The following CSNK1G3 variants were observed in gnomAD, a reference collection of about 807,000 sequenced individuals.
CSNK1G3 encodes the protein casein kinase I isoform gamma-3.
In CSNK1G3, 23 loss-of-function variants were observed where a neutral mutation model predicts 64.3. That is an observed-to-expected ratio of 0.36 (90% CI 0.26 to 0.51). The LOEUF is 0.51. Ranked by LOEUF, CSNK1G3 falls within the 20% of genes least tolerant of loss-of-function variation. CSNK1G3 has a pLI of 0.96. For synonymous variants in CSNK1G3, 158 were observed against 162.2 expected (o/e 0.97, Z 0.20); for missense variants, 357 against 510.5 (o/e 0.70, Z 2.90).
At chr5:123,575,678 G>A (rs1216356728) in intron 5 of CSNK1G3, 51 bp from the exon 6 acceptor site, 4 of 1,093,646 alleles carry the variant, frequency 3.7e-6, no homozygotes, top group Non-Finnish European at 5.6e-6. Flanking sequence ...TACTTGCTTA[G>A]GCTAGTCAAA....
Position 123,551,379 on chromosome 5 carries a change from T to A in CSNK1G3, c.179-1728T>A, listed in dbSNP as rs186595493. Among the ~76,000 whole-genome samples, 954 of 152,082 alleles carry A rather than the reference T, an allele frequency of 6.3e-3. 15 individuals are homozygous for A. The highest frequency in any genetic ancestry group is 8.3e-3 in the Non-Finnish European group (564 of 68,018). On this transcript the variant is annotated intron_variant, in intron 2 of 12. Coordinates refer to ENST00000345990, the Ensembl canonical transcript of CSNK1G3. ...AAAATATGAAATATTCCGTAATTTT[T>A]AAAAATATGTATATAGGTTCAATGA... is the stretch of plus-strand genomic sequence containing the variant.
At chr5:123,599,872 A>G (rs1346015327) in intron 10 of CSNK1G3, among the ~76,000 whole-genome samples, 2 of 152,060 alleles carry the variant, frequency 1.3e-5, no homozygotes, top group Admixed American at 6.6e-5. Flanking sequence ...TTTTTTTACA[A>G]TAACATTTAC....
At chr5:123,552,290 C>T (rs188290012) in intron 2 of CSNK1G3, among the ~76,000 whole-genome samples, 30 of 152,010 alleles carry the variant, frequency 2.0e-4, no homozygotes, top group African/African-American at 6.0e-4. Context: ...GGATTACAGG[C>T]GTGCGCCACC....
intron 3 of CSNK1G3, among the ~76,000 whole-genome samples, 155 bp downstream of exon 3, chr5:123,553,302 C>T (rs1252416270): frequency 1.3e-5 from 2 of 152,156 alleles, no homozygotes; most frequent in Non-Finnish European, 2.9e-5. Context: ...AAGCTCCTAA[C>T]ATCATCCTGC....
intron 1 of CSNK1G3, among the ~76,000 whole-genome samples, chr5:123,529,001 A>G (rs928000488): frequency 6.6e-6 from 1 of 152,174 alleles, no homozygotes; most frequent in African/African-American, 2.4e-5. Flanking sequence ...TTTGCAAGCT[A>G]TTTATTAACT....
At chr5:123,595,181 A>C in intron 10 of CSNK1G3, 47 bp downstream of exon 11, 1 of 1,547,012 alleles carries the variant, frequency 6.5e-7, no homozygotes, top group South Asian at 1.1e-5. Flanking sequence ...GATTTATACA[A>C]CTAACCCTTT....
intron 9 of CSNK1G3, among the ~76,000 whole-genome samples, chr5:123,591,053 T>C (rs1294671476): frequency 1.3e-5 from 2 of 152,038 alleles, no homozygotes; most frequent in Non-Finnish European, 2.9e-5. Context: ...CTAAAAGTAA[T>C]GGCAGCATTA....
chr5:123,597,103 A>G (rs1268556217), intron 10 of CSNK1G3, among the ~76,000 whole-genome samples: 2 of 152,204 alleles, frequency 1.3e-5, no homozygotes, highest in East Asian at 3.9e-4. Flanking sequence ...CAGAAAGGGA[A>G]ACAATATGTT....
chr5:123,594,240 A>G (rs1390652573), intron 10 of CSNK1G3, among the ~76,000 whole-genome samples: 2 of 152,212 alleles, frequency 1.3e-5, no homozygotes, highest in Non-Finnish European at 2.9e-5. Flanking sequence ...TTCCTGAAAC[A>G]GAAGTTGTCC....
At chr5:123,590,540 C>A (rs766824116) in exon 9 of CSNK1G3, 1 of 1,514,274 alleles carries the variant, frequency 6.6e-7, no homozygotes, top group Non-Finnish European at 8.8e-7. Context: ...ATGAATATGA[C>A]TGGATTGGTA....
rs546922262 is a variant in CSNK1G3 at position 123,531,108 on chromosome 5, T to C, written c.-247-14309T>C. On this transcript the variant is annotated intron_variant, in intron 1 of 12. Transcript: ENST00000345990. The stretch of plus-strand genomic sequence containing the variant: ...TTTCATATACTAAATTTGGAGGTTT[T>C]CATTTGAGATAACGAAGCAGTGGGA... Among the ~76,000 whole-genome samples, 5 of 152,272 alleles carry C rather than the reference T, an allele frequency of 3.3e-5. No homozygotes were observed. The South Asian group carries it at 1.0e-3, about 32-fold the overall frequency.
At chr5:123,577,106 C>G (rs955478848) in intron 6 of CSNK1G3, among the ~76,000 whole-genome samples, 9 of 152,094 alleles carry the variant, frequency 5.9e-5, no homozygotes, top group African/African-American at 2.2e-4. Context: ...GCTGGCTTCT[C>G]TGTCCTTTTG....
chr5:123,523,110 A>G (rs1004921873), intron 1 of CSNK1G3, among the ~76,000 whole-genome samples: 1 of 151,032 alleles, frequency 6.6e-6, no homozygotes, highest in African/African-American at 2.5e-5. Flanking sequence ...ATCAGGATGG[A>G]AGGGACTTCA....
chr5:123,548,753 A>T (rs1466988527), intron 2 of CSNK1G3, among the ~76,000 whole-genome samples: 1 of 151,902 alleles, frequency 6.6e-6, no homozygotes, highest in African/African-American at 2.4e-5. Context: ...AAAAAAAAAA[A>T]TGATAATAAG....
chr5:123,584,635 C>T (rs78079925), intron 6 of CSNK1G3, among the ~76,000 whole-genome samples: 2 of 152,206 alleles, frequency 1.3e-5, no homozygotes, highest in Non-Finnish European at 2.9e-5. Context: ...GAGTTGGGAA[C>T]TCTTCCAATC....
chr5:123,573,381 C>T lies in CSNK1G3; in HGVS notation c.290-12C>T. 6.2e-7 allele frequency: 1 copy of T among 1,612,310 alleles called. No homozygotes were observed. The highest frequency in any genetic ancestry group is 1.7e-4 in the Middle Eastern group (1 of 6,056). ...TGATGAAATTATTAAATGAGTATTTCTTTTCCCCCAGATGGTATACCTCAA... is the reference window on the plus strand; with the variant it reads ...TGATGAAATTATTAAATGAGTATTTTTTTTCCCCCAGATGGTATACCTCAA... On this transcript the variant is annotated splice_polypyrimidine_tract_variant and intron_variant, in intron 4 of 12. Coordinates refer to ENST00000345990, the Ensembl canonical transcript of CSNK1G3.
At chr5:123,586,749 A>C (rs72791796) in intron 6 of CSNK1G3, among the ~76,000 whole-genome samples, 6,830 of 152,248 alleles carry the variant, frequency 0.045, 246 homozygotes, top group African/African-American at 0.091. Context: ...AATCATAACA[A>C]GTGTTATTGA....
At chr5:123,597,725 C>G (rs1455264265) in intron 10 of CSNK1G3, among the ~76,000 whole-genome samples, 2 of 152,096 alleles carry the variant, frequency 1.3e-5, no homozygotes, top group African/African-American at 4.8e-5. Flanking sequence ...TTGAGAGTTA[C>G]CAGGTTGATG....
chr5:123,541,419 T>G (rs1781654903), intron 1 of CSNK1G3, among the ~76,000 whole-genome samples: 1 of 152,142 alleles, frequency 6.6e-6, no homozygotes, highest in South Asian at 2.1e-4. Flanking sequence ...TCTATCTGTA[T>G]AGTTGTATTT....
Sources: gnomAD v4.1 joint callset for allele counts (sites outside exome capture counted in the v4.1 genomes callset) on GRCh38, gnomAD v4.1.1 for gene constraint, MANE v1.5 for transcripts, NCBI Gene and HGNC (gene_info 2026-07-23, HGNC 2026-07-21) for gene names.